The following SPAG16 variants were observed in gnomAD, a reference collection of about 807,000 sequenced individuals.
The protein encoded by SPAG16 is sperm associated antigen 16, also known as sperm-associated antigen 16 protein.
A neutral mutation model predicts 80.4 loss-of-function variants in SPAG16; 86 were observed. The observed-to-expected ratio is 1.07, with a 90% CI of 0.90 to 1.28. SPAG16 has a LOEUF of 1.28. SPAG16 is among the 50% of genes most tolerant of loss of function. The pLI, the probability that SPAG16 is intolerant of heterozygous loss-of-function variation, is 0.00. For missense variants in SPAG16, 870 were observed against 765.3 expected, an observed-to-expected ratio of 1.14 and a Z score of -1.61; for synonymous variants, 294 against 265.9, an observed-to-expected ratio of 1.11 and a Z score of -1.03.
chr2:214,319,187 G>GCA (rs113495065), intron 15 of SPAG16, among the ~76,000 whole-genome samples: 3 of 25,140 alleles, frequency 1.2e-4, no homozygotes, highest in African/African-American at 1.9e-4. Flanking sequence ...TAATAAACTT[G>GCA]CACACACACA....
intron 15 of SPAG16, among the ~76,000 whole-genome samples, chr2:214,192,763 C>T (rs1369512454): frequency 6.6e-6 from 1 of 152,026 alleles, no homozygotes; most frequent in Non-Finnish European, 1.5e-5. Flanking sequence ...AAGCAAAATA[C>T]TCTGTTTACA....
At chr2:214,128,007 C>A (rs1033158604) in intron 14 of SPAG16, among the ~76,000 whole-genome samples, 23 of 151,776 alleles carry the variant, frequency 1.5e-4, no homozygotes, top group Non-Finnish European at 2.6e-4. Flanking sequence ...TAGTATTTGG[C>A]AAATTGATAT....
intron 9 of SPAG16, among the ~76,000 whole-genome samples, chr2:213,433,277 A>G (rs954116631): frequency 3.3e-5 from 5 of 152,204 alleles, no homozygotes; most frequent in African/African-American, 1.2e-4. Context: ...AGAAAGAATT[A>G]AAAGGCATCC....
chr2:214,320,706 A>G (rs1040535283), intron 15 of SPAG16, among the ~76,000 whole-genome samples: 1 of 152,102 alleles, frequency 6.6e-6, no homozygotes, highest in Non-Finnish European at 1.5e-5. Context: ...TTGAGAACTC[A>G]CTCATTATCA....
At chr2:213,957,177 T>C (rs948356226) in intron 12 of SPAG16, among the ~76,000 whole-genome samples, 3 of 152,114 alleles carry the variant, frequency 2.0e-5, no homozygotes, top group African/African-American at 7.2e-5. Flanking sequence ...CTCATACTTA[T>C]CTTTTCTCTG....
At chr2:213,498,765 T>A (rs1559194364) in intron 10 of SPAG16, among the ~76,000 whole-genome samples, 1 of 152,200 alleles carries the variant, frequency 6.6e-6, no homozygotes, top group Admixed American at 6.6e-5. Flanking sequence ...TATGGTCATC[T>A]AAGATGACCT....
At chr2:213,392,612 C>T (rs944866998) in intron 9 of SPAG16, among the ~76,000 whole-genome samples, 4 of 152,000 alleles carry the variant, frequency 2.6e-5, no homozygotes, top group East Asian at 1.9e-4. Flanking sequence ...TTTGGGAGGC[C>T]GAGGTGGGTG....
intron 14 of SPAG16, among the ~76,000 whole-genome samples, chr2:214,114,586 TGAGCGTGGGACCCCCTGCCCC>T (rs1337617076): frequency 1.3e-5 from 2 of 152,178 alleles, no homozygotes; most frequent in Non-Finnish European, 2.9e-5. Context: ...CAAGGCTCCA[TGAGCGTGGGACCCCCTGCCCC>T]GAGCCAGGCA....
chr2:213,764,810 T>A (rs896530297), intron 10 of SPAG16, among the ~76,000 whole-genome samples: 5 of 152,222 alleles, frequency 3.3e-5, no homozygotes, highest in African/African-American at 1.2e-4. Flanking sequence ...TATTCAATAT[T>A]ATAATTCATT....
At chr2:213,970,632 A>T (rs945521691) in intron 12 of SPAG16, among the ~76,000 whole-genome samples, 1 of 152,200 alleles carries the variant, frequency 6.6e-6, no homozygotes, top group African/African-American at 2.4e-5. Context: ...ACAGCACACT[A>T]TTGGTGAACA....
chr2:214,133,896 C>T (rs2054912843), intron 14 of SPAG16, among the ~76,000 whole-genome samples: 1 of 152,092 alleles, frequency 6.6e-6, no homozygotes, highest in Non-Finnish European at 1.5e-5. Flanking sequence ...CAGCAGAAGG[C>T]TCAAGTTGAG....
At chr2:213,815,809 G>T (rs1307492390) in intron 10 of SPAG16, among the ~76,000 whole-genome samples, 1 of 151,632 alleles carries the variant, frequency 6.6e-6, no homozygotes, top group African/African-American at 2.4e-5. Flanking sequence ...TTTATAATTT[G>T]GTTCTCATTA....
At chr2:214,174,067 G>A (rs573993699) in intron 15 of SPAG16, among the ~76,000 whole-genome samples, 15 of 152,100 alleles carry the variant, frequency 9.9e-5, no homozygotes, top group Non-Finnish European at 2.1e-4. Context: ...GTATTGATGG[G>A]ACGTATCTCA....
intron 12 of SPAG16, among the ~76,000 whole-genome samples, chr2:214,000,463 G>A (rs569780532): frequency 3.3e-5 from 5 of 152,226 alleles, no homozygotes; most frequent in Admixed American, 1.3e-4. Flanking sequence ...CATGAAAACA[G>A]ACTAATATAG....
At chr2:213,375,276 T>C (rs1575415928) in intron 9 of SPAG16, 157 bp downstream of exon 9, 1 of 503,324 alleles carries the variant, frequency 2.0e-6, no homozygotes. Flanking sequence ...GGTATCCAAA[T>C]GTTACTAGTA....
intron 10 of SPAG16, among the ~76,000 whole-genome samples, chr2:213,755,081 A>T (rs1348406568): frequency 6.6e-6 from 1 of 152,232 alleles, no homozygotes; most frequent in Non-Finnish European, 1.5e-5. Flanking sequence ...TCTTTGTGTC[A>T]GTAATACTCA....
At chr2:213,654,248 G>A (rs955061179) in intron 10 of SPAG16, among the ~76,000 whole-genome samples, 2 of 152,066 alleles carry the variant, frequency 1.3e-5, no homozygotes, top group Non-Finnish European at 2.9e-5. Context: ...AATACAAAGG[G>A]TTCTGAACAT....
intron 11 of SPAG16, among the ~76,000 whole-genome samples, chr2:213,922,511 T>C (rs1487398361): frequency 6.6e-6 from 1 of 152,214 alleles, no homozygotes; most frequent in Non-Finnish European, 1.5e-5. Flanking sequence ...GTTCATATTC[T>C]GAATTCTATT....
intron 12 of SPAG16, among the ~76,000 whole-genome samples, chr2:213,985,182 A>G (rs953710152): frequency 2.0e-5 from 3 of 152,094 alleles, no homozygotes; most frequent in African/African-American, 7.2e-5. Flanking sequence ...GAATGAATAA[A>G]TTAAGAAGTG....
Sources: gnomAD v4.1 joint callset for allele counts (sites outside exome capture counted in the v4.1 genomes callset) on GRCh38, gnomAD v4.1.1 for gene constraint, MANE v1.5 for transcripts, NCBI Gene and HGNC (gene_info 2026-07-23, HGNC 2026-07-21) for gene names.